The following ZFHX3 variants were observed in gnomAD, a reference collection of about 807,000 sequenced individuals.
ZFHX3 encodes the protein zinc finger homeobox 3.
In ZFHX3, 42 loss-of-function variants were observed where a neutral mutation model predicts 279.1. That is an observed-to-expected ratio of 0.15 (90% CI 0.12 to 0.19). The LOEUF (loss-of-function observed/expected upper bound fraction) is 0.19. Ranked by LOEUF, ZFHX3 falls within the 10% of genes least tolerant of loss-of-function variation. The pLI is 1.00. For missense variants in ZFHX3, 4,981 were observed against 4,754.0 expected (o/e 1.05, Z -1.40); for synonymous variants, 2,293 against 1,957.8 (o/e 1.17, Z -4.52).
intron 1 of ZFHX3, among the ~76,000 whole-genome samples, chr16:73,689,873 G>A (rs752550703): frequency 1.9e-4 from 28 of 150,436 alleles, no homozygotes; most frequent in Non-Finnish European, 3.7e-4. Context: ...CGCCCAGGCT[G>A]GAGTGCAGTG....
intron 1 of ZFHX3, among the ~76,000 whole-genome samples, chr16:73,868,298 G>A (rs991931141): frequency 2.0e-5 from 3 of 152,196 alleles, no homozygotes; most frequent in East Asian, 1.9e-4. Flanking sequence ...CAAGGCAGGC[G>A]ATCACCTGAG....
intron 8 of ZFHX3, among the ~76,000 whole-genome samples, chr16:73,077,674 G>C (rs1417327764): frequency 6.6e-6 from 1 of 152,182 alleles, no homozygotes; most frequent in Non-Finnish European, 1.5e-5. Context: ...CCTATTTCCA[G>C]ATCTCTCCCA....
At chr16:73,800,506 C>T (rs1425456254) in intron 1 of ZFHX3, among the ~76,000 whole-genome samples, 1 of 152,146 alleles carries the variant, frequency 6.6e-6, no homozygotes, top group Non-Finnish European at 1.5e-5. Context: ...CATGAGCCAC[C>T]GTGCTGGGCC....
At chr16:73,471,405 C>A (rs1212503104) in intron 2 of ZFHX3, among the ~76,000 whole-genome samples, 1 of 151,876 alleles carries the variant, frequency 6.6e-6, no homozygotes, top group African/African-American at 2.4e-5. Flanking sequence ...GAATCTCTTT[C>A]TTTTTCTTTC....
intron 3 of ZFHX3, among the ~76,000 whole-genome samples, chr16:72,917,668 C>T (rs57562518): frequency 0.02 from 2,981 of 152,166 alleles, 44 homozygotes; most frequent in Middle Eastern, 0.054. Context: ...TTCAATTCTA[C>T]GAAATAATAA....
At chr16:72,877,327 G>C (rs1488900993) in intron 4 of ZFHX3, among the ~76,000 whole-genome samples, 1 of 151,362 alleles carries the variant, frequency 6.6e-6, no homozygotes, top group Non-Finnish European at 1.5e-5. Flanking sequence ...GCCACCAAGA[G>C]AACAAAGGTG....
intron 4 of ZFHX3, among the ~76,000 whole-genome samples, chr16:72,833,459 G>A (rs1222011687): frequency 1.3e-5 from 2 of 152,174 alleles, no homozygotes; most frequent in South Asian, 2.1e-4. Flanking sequence ...GGGAACAAGT[G>A]AAGACCTGAT....
chr16:73,229,542 T>G (rs1338743300), intron 5 of ZFHX3, among the ~76,000 whole-genome samples: 1 of 152,184 alleles, frequency 6.6e-6, no homozygotes, highest in Non-Finnish European at 1.5e-5. Context: ...TAAGGTCTGC[T>G]TGAACTGGGT....
intron 7 of ZFHX3, among the ~76,000 whole-genome samples, chr16:73,121,963 T>G (rs541611837): frequency 1.3e-4 from 20 of 152,272 alleles, no homozygotes; most frequent in Admixed American, 5.2e-4. Context: ...CTGCAATTAC[T>G]TTTGCTCCAA....
intron 2 of ZFHX3, among the ~76,000 whole-genome samples, chr16:73,536,852 T>C (rs941891125): frequency 3.9e-5 from 6 of 152,126 alleles, no homozygotes; most frequent in African/African-American, 9.7e-5. Flanking sequence ...CAATACATGG[T>C]AGGCACACAT....
At chr16:73,365,174 G>A (rs10500570) in intron 3 of ZFHX3, among the ~76,000 whole-genome samples, 7,287 of 152,252 alleles carry the variant, frequency 0.048, 577 homozygotes, top group African/African-American at 0.16. Flanking sequence ...AGAGACCTCC[G>A]GTACTTGGCA....
At chr16:73,357,412 C>A (rs535234809) in intron 3 of ZFHX3, among the ~76,000 whole-genome samples, 1 of 150,614 alleles carries the variant, frequency 6.6e-6, no homozygotes, top group Middle Eastern at 3.4e-3. Flanking sequence ...CAAACGGTGA[C>A]AGAAGTAACC....
intron 2 of ZFHX3, among the ~76,000 whole-genome samples, chr16:73,521,138 A>G (rs2019601967): frequency 6.6e-6 from 1 of 152,208 alleles, no homozygotes; most frequent in Non-Finnish European, 1.5e-5. Flanking sequence ...CCAGCCTTCA[A>G]TTATCAAGCT....
chr16:73,388,693 C>T (rs557112255), intron 3 of ZFHX3: 2 of 152,328 alleles, frequency 1.3e-5, no homozygotes, highest in South Asian at 4.1e-4. Flanking sequence ...TTGCATCAGA[C>T]ACCAATCTGG....
intron 3 of ZFHX3, among the ~76,000 whole-genome samples, chr16:73,448,369 G>T (rs753776122): frequency 5.3e-5 from 8 of 152,150 alleles, no homozygotes; most frequent in Non-Finnish European, 1.2e-4. Context: ...TAAGTGGTAA[G>T]CTATTAAAGT....
At chr16:73,742,647 C>A (rs1324987784) in intron 1 of ZFHX3, among the ~76,000 whole-genome samples, 1 of 152,188 alleles carries the variant, frequency 6.6e-6, no homozygotes, top group Non-Finnish European at 1.5e-5. Flanking sequence ...ATGTATATAA[C>A]AGCACCTTAT....
intron 5 of ZFHX3, among the ~76,000 whole-genome samples, chr16:73,206,615 T>C (rs918736542): frequency 2.8e-5 from 4 of 142,876 alleles, no homozygotes; most frequent in African/African-American, 9.8e-5. Context: ...GTATTCAGTA[T>C]TTTTTTTCCA....
At chr16:73,538,667 G>A (rs527246591) in intron 2 of ZFHX3, among the ~76,000 whole-genome samples, 14 of 152,152 alleles carry the variant, frequency 9.2e-5, no homozygotes, top group South Asian at 4.1e-4. Flanking sequence ...AATTCCTCAC[G>A]TCTGCCACAT....
intron 4 of ZFHX3, among the ~76,000 whole-genome samples, chr16:72,841,190 C>G (rs1317777711): frequency 2.6e-5 from 4 of 152,126 alleles, no homozygotes; most frequent in African/African-American, 9.7e-5. Flanking sequence ...TTTCAAGGTG[C>G]GTCTACACGT....
Sources: allele counts gnomAD v4.1 joint callset (sites outside exome capture counted in the v4.1 genomes callset), GRCh38; gene constraint gnomAD v4.1.1; transcripts MANE v1.5; gene names NCBI Gene and HGNC (gene_info 2026-07-23, HGNC 2026-07-21).